The following FUT8 variants were observed in gnomAD, a reference collection of about 807,000 sequenced individuals.
FUT8 encodes fucosyltransferase 8, also known as alpha-(1,6)-fucosyltransferase.
In FUT8, 29 loss-of-function variants were observed where a neutral mutation model predicts 71.3. The ratio of observed to expected loss-of-function variants is 0.41; its 90% CI spans 0.30 to 0.55. The LOEUF is 0.55. Ranked by LOEUF, FUT8 falls within the 20% of genes least tolerant of loss-of-function variation. The pLI, the probability that FUT8 is intolerant of heterozygous loss-of-function variation, is 0.34. For synonymous variants in FUT8, 254 were observed against 239.3 expected (o/e 1.06, Z -0.57); for missense variants, 544 against 702.1 (o/e 0.77, Z 2.55).
intron 2 of FUT8, among the ~76,000 whole-genome samples, chr14:65,497,752 T>C (rs1175192851): frequency 6.6e-6 from 1 of 152,108 alleles, no homozygotes; most frequent in East Asian, 1.9e-4. Flanking sequence ...TTAAAATGAA[T>C]ATATCATTTT....
At chr14:65,439,966 A>ATATATATATATATATATG (rs2065623957) in intron 1 of FUT8, among the ~76,000 whole-genome samples, 1 of 129,046 alleles carries the variant, frequency 7.7e-6, no homozygotes, top group Middle Eastern at 3.6e-3. Flanking sequence ...ATATATATAT[A>ATATATATATATATATATG]TATATATATA....
intron 6 of FUT8, among the ~76,000 whole-genome samples, chr14:65,661,519 A>G (rs906019075): frequency 2.0e-5 from 3 of 152,150 alleles, no homozygotes; most frequent in African/African-American, 7.2e-5. Flanking sequence ...CTTTTTCTGC[A>G]ATGTTTTTGG....
chr14:65,591,212 G>C lies in FUT8; in HGVS notation c.204-24766G>C, dbSNP rs117737031. ...TTTAAAATTTTTCCATTTTAATATG[G>C]AGAAACTCGGATTTACTTTTGGAGT... On this transcript the variant is annotated intron_variant, in intron 3 of 10. Coordinates refer to ENST00000673929, the MANE Select transcript of FUT8 (RefSeq NM_001371533.1). Among the ~76,000 whole-genome samples the C allele has an allele frequency of 5.7e-3, 872 of 152,156 alleles. 29 individuals are homozygous for C. The East Asian group carries it at 0.093, about 16-fold the overall frequency.
In FUT8 at chr14:65,602,233, T is replaced by C. The variant is rs113861649; in HGVS notation, c.204-13745T>C. ...ATGAGTGAGAACATAGGATGTTTGG[T>C]TTTCCATTTCTGAGTTACTTCACTT... is the stretch of plus-strand genomic sequence containing the variant. On this transcript the variant is annotated intron_variant, in intron 3 of 10. Transcript: ENST00000673929. Among the ~76,000 whole-genome samples, 1,427 of 148,136 alleles carry C rather than the reference T, an allele frequency of 9.6e-3. 24 individuals are homozygous for C. The highest frequency in any genetic ancestry group is 0.034 in the African/African-American group (1,370 of 39,764).
chr14:65,368,050 CTTTTTTTTTTT>C, the FUT8 span, among the ~76,000 whole-genome samples: 1 of 85,814 alleles, frequency 1.2e-5, no homozygotes, highest in African/African-American at 3.9e-5. Context: ...GGCAAAATTA[CTTTTTTTTTTT>C]TTTTTTTTTT....
intron 5 of FUT8, among the ~76,000 whole-genome samples, chr14:65,623,079 G>T (rs1889712175): frequency 6.6e-6 from 1 of 151,938 alleles, no homozygotes; most frequent in African/African-American, 2.4e-5. Context: ...TTTGTAGAGA[G>T]GGGGACTTGC....
intron 6 of FUT8, among the ~76,000 whole-genome samples, chr14:65,639,218 A>G (rs996310899): frequency 6.6e-6 from 1 of 152,180 alleles, no homozygotes; most frequent in Non-Finnish European, 1.5e-5. Context: ...GACTAAGGAC[A>G]TAGGCTGGTG....
chr14:65,474,098 G>C (rs1347538310), intron 2 of FUT8, among the ~76,000 whole-genome samples: 1 of 152,006 alleles, frequency 6.6e-6, no homozygotes. Context: ...TCATGGGTAC[G>C]CAAAGGCATA....
chr14:65,649,071 T>C (rs1891241373), intron 6 of FUT8, among the ~76,000 whole-genome samples: 1 of 152,254 alleles, frequency 6.6e-6, no homozygotes, highest in Non-Finnish European at 1.5e-5. Context: ...TTTATTCCTT[T>C]CTTTTCATTG....
At chr14:65,544,136 C>G (rs1316132231) in intron 2 of FUT8, among the ~76,000 whole-genome samples, 2 of 151,820 alleles carry the variant, frequency 1.3e-5, no homozygotes. Context: ...TAAGAATGAG[C>G]CAAAGGTGGA....
chr14:65,425,617 A>G (rs976096988), intron 1 of FUT8, among the ~76,000 whole-genome samples: 4 of 152,092 alleles, frequency 2.6e-5, no homozygotes, highest in Non-Finnish European at 5.9e-5. Context: ...TACCACAATC[A>G]TGCTAATTAA....
At chr14:65,552,747 A>C (rs937464275) in intron 2 of FUT8, among the ~76,000 whole-genome samples, 3 of 152,106 alleles carry the variant, frequency 2.0e-5, no homozygotes, top group Non-Finnish European at 4.4e-5. Flanking sequence ...CTAATGAATT[A>C]TACTTTCATT....
rs1294676761 is a variant in FUT8 at position 65,692,198 on chromosome 14, C to T, written c.835+22718C>T. On this transcript the variant is annotated intron_variant, in intron 7 of 10. Coordinates refer to ENST00000673929, the MANE Select transcript of FUT8 (RefSeq NM_001371533.1). ...GGTGGCCGGGCAGAGGTTCCCCTCACCTCCCGGACGGGGCGGCTGGCCAGG... is the reference window on the plus strand; with the variant it reads ...GGTGGCCGGGCAGAGGTTCCCCTCATCTCCCGGACGGGGCGGCTGGCCAGG... Among the ~76,000 whole-genome samples, 19 of 151,606 alleles carry T rather than the reference C, an allele frequency of 1.3e-4. 3 individuals are homozygous for T. The highest frequency in any genetic ancestry group is 4.3e-4 in the African/African-American group (18 of 41,384).
intron 10 of FUT8, among the ~76,000 whole-genome samples, chr14:65,740,156 G>T (rs1427119366): frequency 6.6e-6 from 1 of 151,910 alleles, no homozygotes; most frequent in East Asian, 1.9e-4. Flanking sequence ...TTCTACCAAT[G>T]ATCTCAATTG....
At chr14:65,521,868 CTTT>C (rs71126758) in intron 2 of FUT8, among the ~76,000 whole-genome samples, 8 of 144,168 alleles carry the variant, frequency 5.5e-5, no homozygotes, top group Non-Finnish European at 6.1e-5. Context: ...GAATCTTCTT[CTTT>C]TTTTTTTTTT....
intron 2 of FUT8, among the ~76,000 whole-genome samples, chr14:65,505,211 T>C (rs960498476): frequency 1.3e-5 from 2 of 152,146 alleles, no homozygotes; most frequent in Non-Finnish European, 2.9e-5. Flanking sequence ...TTTTTCCTGA[T>C]GTTTTTATTT....
intron 7 of FUT8, among the ~76,000 whole-genome samples, chr14:65,706,003 T>C (rs1032001572): frequency 6.6e-6 from 1 of 152,224 alleles, no homozygotes; most frequent in Non-Finnish European, 1.5e-5. Context: ...TTGAGAATTG[T>C]TCAGCAGAAT....
chr14:65,682,033 A>G (rs963013478), intron 7 of FUT8, among the ~76,000 whole-genome samples: 1 of 152,214 alleles, frequency 6.6e-6, no homozygotes, highest in African/African-American at 2.4e-5. Flanking sequence ...TGCAAAGCAT[A>G]AAATATTTAC....
At chr14:65,634,175 A>G (rs1433583902) in intron 6 of FUT8, among the ~76,000 whole-genome samples, 1 of 152,034 alleles carries the variant, frequency 6.6e-6, no homozygotes, top group Non-Finnish European at 1.5e-5. Context: ...GTGTCTGTGT[A>G]GAAAGAAGTA....
Sources: allele counts gnomAD v4.1 joint callset (sites outside exome capture counted in the v4.1 genomes callset), GRCh38; gene constraint gnomAD v4.1.1; transcripts MANE v1.5; gene names NCBI Gene and HGNC (gene_info 2026-07-23, HGNC 2026-07-21).